ESRRB: variants seen among roughly 807,000 people sequenced by gnomAD.
The protein encoded by ESRRB is steroid hormone receptor ERR2.
Under a neutral mutation model 46.0 loss-of-function variants are expected in ESRRB, and 16 were observed. That is an observed-to-expected ratio of 0.35 (90% confidence interval 0.24 to 0.53). The LOEUF is 0.53. Among genes scored for constraint, ESRRB ranks in the 20% least tolerant of loss-of-function variants. The pLI is 0.93. For missense variants in ESRRB, 488 were observed against 607.4 expected (o/e 0.80, Z 2.07); for synonymous variants, 246 against 259.6 (o/e 0.95, Z 0.50).
At chr14:76,435,699 C>T (rs910045334) in intron 1 of ESRRB, among the ~76,000 whole-genome samples, 5 of 152,116 alleles carry the variant, frequency 3.3e-5, no homozygotes, top group South Asian at 2.1e-4. Context: ...GTCGTGGTGG[C>T]GGGAGCCTGT....
rs1408572539 is a variant in ESRRB at position 76,332,781 on chromosome 14, ATT to A, written c.2+21866_2+21867del. Among the ~76,000 whole-genome samples the A allele has an allele frequency of 5.1e-3, 55 of 10,754 alleles. 2 individuals are homozygous for A. The highest frequency in any genetic ancestry group is 0.014 in the African/African-American group (45 of 3,262). The allele number at this position is 10,754 out of a possible 152,430, so 7.1% of individuals were successfully genotyped here. A position where few individuals can be genotyped will look rare whatever the true frequency, so the allele number is the denominator to read the frequency against. ...TATAAATATATAATATATATTATAT[ATT>A]ATATATAAATATATAATATATTTAT... is the stretch of plus-strand genomic sequence containing the variant. On this transcript the variant is annotated intron_variant, in intron 1 of 6. Transcript: ENST00000512784.
At chr14:76,494,935 C>T (rs949403056) in intron 6 of ESRRB, among the ~76,000 whole-genome samples, 2 of 152,188 alleles carry the variant, frequency 1.3e-5, no homozygotes, top group Non-Finnish European at 2.9e-5. Flanking sequence ...GAGGTAGTGT[C>T]TCCTCCACTC....
chr14:76,417,950 T>TA (rs1481274446), intron 1 of ESRRB, among the ~76,000 whole-genome samples: 1 of 143,946 alleles, frequency 6.9e-6, no homozygotes, highest in East Asian at 2.0e-4. Flanking sequence ...CATACTTTTT[T>TA]TTTTTTTTTT....
At chr14:76,332,235 G>A (rs200611964) in intron 1 of ESRRB, among the ~76,000 whole-genome samples, 8 of 151,284 alleles carry the variant, frequency 5.3e-5, no homozygotes, top group South Asian at 2.1e-4. Flanking sequence ...TAGAATCTGC[G>A]TGGGCTGGAG....
chr14:76,384,268 T>C (rs1885130395), intron 1 of ESRRB, among the ~76,000 whole-genome samples: 1 of 152,108 alleles, frequency 6.6e-6, no homozygotes, highest in Non-Finnish European at 1.5e-5. Context: ...TTTACAGAAA[T>C]AGTAGCAATT....
intron 1 of ESRRB, among the ~76,000 whole-genome samples, chr14:76,329,758 G>C (rs888723548): frequency 6.6e-6 from 1 of 152,112 alleles, no homozygotes; most frequent in Non-Finnish European, 1.5e-5. Context: ...GTTCCTGCCA[G>C]CCCGGGTCCC....
chr14:76,472,086 T>C (rs1407628445), intron 3 of ESRRB, among the ~76,000 whole-genome samples: 1 of 152,210 alleles, frequency 6.6e-6, no homozygotes, highest in Non-Finnish European at 1.5e-5. Flanking sequence ...CTTGGCTATG[T>C]GGAATTCCTT....
At chr14:76,362,993 A>T (rs1884481506) in intron 1 of ESRRB, among the ~76,000 whole-genome samples, 1 of 152,168 alleles carries the variant, frequency 6.6e-6, no homozygotes, top group Non-Finnish European at 1.5e-5. Flanking sequence ...CACAGAAGCC[A>T]AGTGCCTGGT....
intron 1 of ESRRB, among the ~76,000 whole-genome samples, chr14:76,378,402 G>A (rs1315035564): frequency 6.6e-6 from 1 of 152,190 alleles, no homozygotes; most frequent in African/African-American, 2.4e-5. Context: ...AAGGAAGTCA[G>A]GGAGCTGAGG....
intron 1 of ESRRB, among the ~76,000 whole-genome samples, chr14:76,337,268 C>T (rs1884138705): frequency 6.6e-6 from 1 of 152,142 alleles, no homozygotes; most frequent in Non-Finnish European, 1.5e-5. Flanking sequence ...GGCATCCTGT[C>T]CCATGATGTG....
At chr14:76,432,287 C>A (rs748372553) in intron 1 of ESRRB, among the ~76,000 whole-genome samples, 1 of 152,246 alleles carries the variant, frequency 6.6e-6, no homozygotes, top group Non-Finnish European at 1.5e-5. Context: ...CACATGGAAT[C>A]ACTCAGCCCC....
chr14:76,473,157 C>T (rs1476284080), intron 3 of ESRRB, among the ~76,000 whole-genome samples: 1 of 152,170 alleles, frequency 6.6e-6, no homozygotes, highest in Non-Finnish European at 1.5e-5. Flanking sequence ...TGATCCTGAA[C>T]GAGTCGCCTG....
intron 1 of ESRRB, among the ~76,000 whole-genome samples, chr14:76,364,936 C>A (rs570979140): frequency 1.3e-5 from 2 of 152,228 alleles, no homozygotes; most frequent in East Asian, 3.9e-4. Context: ...CGTGAACTTT[C>A]CTGATCTGTC....
At chr14:76,332,470 A>C (rs1378609036) in intron 1 of ESRRB, among the ~76,000 whole-genome samples, 9 of 114,562 alleles carry the variant, frequency 7.9e-5, no homozygotes, top group South Asian at 2.4e-4. Flanking sequence ...TATATATTCT[A>C]TATATATATA....
chr14:76,348,504 C>T, intron 1 of ESRRB, among the ~76,000 whole-genome samples: 1 of 152,186 alleles, frequency 6.6e-6, no homozygotes, highest in East Asian at 1.9e-4. Flanking sequence ...CTGTGCAAGA[C>T]CTCAGAATCA....
intron 3 of ESRRB, among the ~76,000 whole-genome samples, chr14:76,468,029 G>T (rs1005374446): frequency 6.6e-6 from 1 of 152,166 alleles, no homozygotes; most frequent in African/African-American, 2.4e-5. Flanking sequence ...CTTTGTGCTT[G>T]TTGGGAAGGT....
intron 2 of ESRRB, among the ~76,000 whole-genome samples, chr14:76,442,892 G>A (rs1416071627): frequency 7.0e-6 from 1 of 142,590 alleles, no homozygotes. Context: ...TTGGCTCACC[G>A]CAACCTCCAC....
intron 2 of ESRRB, among the ~76,000 whole-genome samples, chr14:76,443,344 T>C (rs1193023293): frequency 6.6e-6 from 1 of 152,110 alleles, no homozygotes; most frequent in Non-Finnish European, 1.5e-5. Context: ...TGCACCCTGG[T>C]CTCTGCCCGC....
In ESRRB at chr14:76,426,356, A is replaced by T. The variant is rs373013212; in HGVS notation, c.51-12985A>T. On this transcript the variant is annotated intron_variant, in intron 1 of 6. Coordinates refer to ENST00000644823, the MANE Select transcript of ESRRB (RefSeq NM_001379180.1). ...CTTTGCCCACATCCCATTGGCCAAG[A>T]CCCAGTCATATGGCCATAGCCAACT... Among the ~76,000 whole-genome samples the T allele has an allele frequency of 1.4e-3, 209 of 152,276 alleles. 1 individual carries two copies. Among genetic ancestry groups the T allele is most frequent in the Non-Finnish European group, 2.5e-3 (170 of 68,024 alleles).
Sources: allele counts gnomAD v4.1 joint callset (sites outside exome capture counted in the v4.1 genomes callset), GRCh38; gene constraint gnomAD v4.1.1; transcripts MANE v1.5; gene names NCBI Gene and HGNC (gene_info 2026-07-23, HGNC 2026-07-21).